SGF29: variants seen among roughly 807,000 people sequenced by gnomAD.
SGF29 encodes SAGA-associated factor 29.
Under a neutral mutation model 38.1 loss-of-function variants are expected in SGF29, and 15 were observed. The ratio of observed to expected loss-of-function variants is 0.39; its 90% CI spans 0.26 to 0.61. The LOEUF (loss-of-function observed/expected upper bound fraction) is 0.61, where lower values mean the gene tolerates loss of function less well. Ranked by LOEUF, SGF29 falls within the 20% of genes least tolerant of loss-of-function variation. The probability of loss-of-function intolerance (pLI) is 0.49; values close to 1 mark genes in which losing one functional copy is unlikely to be tolerated. For missense variants in SGF29, 184 were observed against 394.6 expected (o/e 0.47, Z 4.52); for synonymous variants, 151 against 160.8 (o/e 0.94, Z 0.46).
intron 1 of SGF29, among the ~76,000 whole-genome samples, chr16:28,563,220 G>A (rs905554283): frequency 1.3e-5 from 2 of 152,158 alleles, no homozygotes; most frequent in African/African-American, 4.8e-5. Flanking sequence ...TAGCCAAGGA[G>A]GCCACAAAGA....
chr16:28,576,655 A>G (rs1469184328), intron 1 of SGF29, among the ~76,000 whole-genome samples: 5 of 151,592 alleles, frequency 3.3e-5, no homozygotes, highest in African/African-American at 4.9e-5. Context: ...AGCCGAGATC[A>G]CACCACTGCA....
At chr16:28,564,594 C>CATATATATGTGTATATAT (rs2046814466) in intron 1 of SGF29, among the ~76,000 whole-genome samples, 13 of 120,716 alleles carry the variant, frequency 1.1e-4, no homozygotes, top group Non-Finnish European at 1.7e-4. Flanking sequence ...TATATATACA[C>CATATATATGTGTATATAT]ACATATATGT....
chr16:28,558,621 A>G (rs1300309861), intron 1 of SGF29, among the ~76,000 whole-genome samples: 2 of 152,236 alleles, frequency 1.3e-5, no homozygotes, highest in Non-Finnish European at 2.9e-5. Context: ...TGGAAAGAAG[A>G]TAGCCCCAGA....
chr16:28,559,382 T>TTTG (rs143405210), intron 1 of SGF29, among the ~76,000 whole-genome samples: 34 of 151,734 alleles, frequency 2.2e-4, no homozygotes, highest in Non-Finnish European at 3.1e-4. Context: ...TTAAGCTGTT[T>TTTG]TTGTTGTTGT....
At chr16:28,572,529 A>G (rs1341392004) in intron 1 of SGF29, among the ~76,000 whole-genome samples, 1 of 146,786 alleles carries the variant, frequency 6.8e-6, no homozygotes, top group Non-Finnish European at 1.5e-5. Flanking sequence ...TCGGCTTCCC[A>G]AAGTGCTGGT....
In SGF29 at chr16:28,590,678, G is replaced by C. The variant is rs1230729927; in HGVS notation, c.602+12G>C. 6.2e-7 allele frequency: 1 copy of C among 1,614,116 alleles called. No homozygotes were observed. Among genetic ancestry groups the C allele is most frequent in the Admixed American group, 1.7e-5 (1 of 60,022 alleles). ...GAAGAAGGCAAAGAGTGAGTGTCCAGGCCAGGGCAGGGCATGGAGCCTGGG... is the reference window on the plus strand; with the variant it reads ...GAAGAAGGCAAAGAGTGAGTGTCCACGCCAGGGCAGGGCATGGAGCCTGGG... On this transcript the variant is annotated intron_variant, in intron 8 of 9. Coordinates refer to ENST00000317058, the MANE Select transcript of SGF29 (RefSeq NM_138414.3). This position sits in a 1 kb window ranked among gnomAD's most constrained non-coding sequence, Gnocchi z 8.2.
At chr16:28,563,566 A>G (rs997528924) in intron 1 of SGF29, among the ~76,000 whole-genome samples, 1 of 152,054 alleles carries the variant, frequency 6.6e-6, no homozygotes, top group African/African-American at 2.4e-5. Flanking sequence ...TGTACATGGG[A>G]TATCTTTAAA....
chr16:28,570,543 A>ATTTT (rs1393388496), intron 1 of SGF29, among the ~76,000 whole-genome samples: 5 of 130,014 alleles, frequency 3.8e-5, no homozygotes, highest in Admixed American at 1.7e-4. Flanking sequence ...ATTTTTTTAA[A>ATTTT]TTTTATTTAT....
chr16:28,554,122 G>C (rs977739614), intron 1 of SGF29, 25 bp downstream of exon 1: 1 of 152,342 alleles, frequency 6.6e-6, no homozygotes, highest in Non-Finnish European at 1.5e-5. Context: ...GCCGTGGCCT[G>C]AGACCTCCGG....
intron 1 of SGF29, among the ~76,000 whole-genome samples, chr16:28,554,960 C>T (rs1027146039): frequency 6.6e-6 from 1 of 152,232 alleles, no homozygotes; most frequent in African/African-American, 2.4e-5. Context: ...CTCTCTCTGG[C>T]TTCTCCTCTG....
chr16:28,567,607 A>C (rs1416570933), intron 1 of SGF29, among the ~76,000 whole-genome samples: 2 of 152,228 alleles, frequency 1.3e-5, no homozygotes, highest in African/African-American at 4.8e-5. Flanking sequence ...TTACATTGTC[A>C]TGAACAAATC....
At chr16:28,564,570 TATATATAC>T (rs2046813341) in intron 1 of SGF29, among the ~76,000 whole-genome samples, 1 of 133,302 alleles carries the variant, frequency 7.5e-6, no homozygotes, top group Non-Finnish European at 1.6e-5. Flanking sequence ...TATATACGTA[TATATATAC>T]ACGTATATAT....
chr16:28,585,473 C>T (rs1596607245), intron 3 of SGF29, 175 bp from the exon 4 acceptor site: 8 of 633,424 alleles, frequency 1.3e-5, no homozygotes, highest in East Asian at 1.1e-4. Context: ...TATGGAAATG[C>T]GGACTCATGG....
intron 1 of SGF29, among the ~76,000 whole-genome samples, chr16:28,568,313 CAAAAAAAAAA>C (rs148414167): frequency 3.7e-5 from 2 of 54,292 alleles, no homozygotes; most frequent in African/African-American, 8.0e-5. Flanking sequence ...AACTCCATCT[CAAAAAAAAAA>C]AAAAAAAAAA....
chr16:28,586,292 T>C (rs908221270), intron 4 of SGF29, among the ~76,000 whole-genome samples: 2 of 152,156 alleles, frequency 1.3e-5, no homozygotes, highest in African/African-American at 2.4e-5. Flanking sequence ...CAGTGGCTCA[T>C]GCCTGCAATC....
chr16:28,587,867 TC>T (rs1296144507), intron 4 of SGF29, among the ~76,000 whole-genome samples: 2 of 152,322 alleles, frequency 1.3e-5, no homozygotes, highest in Non-Finnish European at 2.9e-5. Context: ...TGACACAATC[TC>T]GGCTCACTGC....
chr16:28,568,593 G>T (rs2046847200), intron 1 of SGF29, among the ~76,000 whole-genome samples: 1 of 123,936 alleles, frequency 8.1e-6, no homozygotes, highest in Admixed American at 8.5e-5. Context: ...ATTAAGGGGT[G>T]GTTGGGGGGG....
At chr16:28,586,101 C>G (rs566494689) in intron 4 of SGF29, among the ~76,000 whole-genome samples, 10 of 152,022 alleles carry the variant, frequency 6.6e-5, no homozygotes, top group African/African-American at 2.4e-4. Flanking sequence ...CCAGCCTGGG[C>G]AACAAAGTGA....
intron 5 of SGF29, 153 bp downstream of exon 5, chr16:28,589,317 G>T: frequency 1.4e-6 from 1 of 706,798 alleles, no homozygotes; most frequent in Non-Finnish European, 2.4e-6. Context: ...ACTGAGAAGG[G>T]ACAGGAGGTC....
Sources: allele counts gnomAD v4.1 joint callset (sites outside exome capture counted in the v4.1 genomes callset), GRCh38; gene constraint gnomAD v4.1.1; non-coding constraint Gnocchi (gnomAD v3.1); transcripts MANE v1.5; gene names NCBI Gene and HGNC (gene_info 2026-07-23, HGNC 2026-07-21).